The following DAW1 variants were observed in gnomAD, a reference collection of about 807,000 sequenced individuals.
The protein encoded by DAW1 is dynein assembly factor with WD repeat domains 1.
Under a neutral mutation model 56.5 loss-of-function variants are expected in DAW1, and 47 were observed. The observed-to-expected ratio is 0.83, with a 90% confidence interval of 0.66 to 1.06. The LOEUF (loss-of-function observed/expected upper bound fraction) is 1.06, where lower values mean the gene tolerates loss of function less well. Ranked by LOEUF, DAW1 falls within the 50% of genes least tolerant of loss-of-function variation. The pLI, the probability that DAW1 is intolerant of heterozygous loss-of-function variation, is 0.00. For missense variants in DAW1, 505 were observed against 499.3 expected, an observed-to-expected ratio of 1.01 and a Z score of -0.11; for synonymous variants, 190 against 179.0, an observed-to-expected ratio of 1.06 and a Z score of -0.49.
In DAW1 at chr2:227,893,806, G is replaced by A; in HGVS notation, c.329G>A (p.Gly110Glu). 1 of 1,611,940 alleles carries A rather than the reference G, an allele frequency of 6.2e-7. No individual in the cohort carries two copies. The highest frequency in any genetic ancestry group is 8.5e-7 in the Non-Finnish European group (1 of 1,179,304). ...LNKSGSCFIT[G>E]SYDRTCKLWD... ...ATTCCTTGTGTTAGCTTTATCACAGGAAGCTATGATCGGACGTGCAAGCTC... is the reference window on the plus strand; with the variant it reads ...ATTCCTTGTGTTAGCTTTATCACAGAAAGCTATGATCGGACGTGCAAGCTC... The change falls in exon 5 of 13, where the codon GGA (glycine) becomes GAA (glutamate). Residue 110 changes from glycine (G) to glutamate (E), a missense_variant. By Grantham distance (98) the Gly-to-Glu change is moderately conservative. Transcript: ENST00000309931.
intron 3 of DAW1, among the ~76,000 whole-genome samples, chr2:227,890,259 T>C (rs1574653907): frequency 6.6e-6 from 1 of 151,872 alleles, no homozygotes; most frequent in East Asian, 1.9e-4. Flanking sequence ...GTTATTATTA[T>C]TAAGATAGTT....
rs1040419511 is a variant in DAW1, at chr2:227,924,278, G to A, written c.*310G>A. ...AAGGAGACCAGAACAACTTAACAACGTGTCTCCTGGATTTTACTTTGAAGC... is the reference window on the plus strand; with the variant it reads ...AAGGAGACCAGAACAACTTAACAACATGTCTCCTGGATTTTACTTTGAAGC... On this transcript the variant is annotated 3_prime_UTR_variant, in exon 13 of 13. Transcript: ENST00000309931. The A allele has an allele frequency of 4.9e-5, 17 of 345,206 alleles. No homozygotes were observed. The highest frequency in any genetic ancestry group is 6.9e-5 in the Non-Finnish European group (13 of 189,008). 21.4% of individuals were successfully genotyped at this position (345,206 alleles called of 1,614,324 possible). A position where few individuals can be genotyped will look rare whatever the true frequency, so the allele number is the denominator to read the frequency against.
intron 11 of DAW1, among the ~76,000 whole-genome samples, chr2:227,920,667 T>C (rs1692084223): frequency 6.6e-6 from 1 of 151,988 alleles, no homozygotes; most frequent in African/African-American, 2.4e-5. Context: ...TTTTTATTTA[T>C]TTATTTTTAT....
At chr2:227,905,136 G>A (rs924524542) in intron 8 of DAW1, 101 bp downstream of exon 8, 6 of 826,688 alleles carry the variant, frequency 7.3e-6, no homozygotes, top group Non-Finnish European at 1.1e-5. Flanking sequence ...ACTCTGCTTT[G>A]GATTCCATAA....
Position 227,906,229 on chromosome 2 carries a change from GT to G in DAW1, c.756-5del, listed in dbSNP as rs1397774183. ...TTTCACTAGTTTTAATTATTTTTGTGTTGTAGGAAGGTAAATATCTTAATTG... is the reference window on the plus strand; with the variant it reads ...TTTCACTAGTTTTAATTATTTTTGTGTGTAGGAAGGTAAATATCTTAATTG... On this transcript the variant is annotated splice_region_variant and splice_polypyrimidine_tract_variant and intron_variant, in intron 8 of 12. Coordinates refer to ENST00000309931, the MANE Select transcript of DAW1 (RefSeq NM_178821.3). 1 of 1,600,824 alleles carries G rather than the reference GT, an allele frequency of 6.2e-7. No individual in the cohort carries two copies. Among genetic ancestry groups the G allele is most frequent in the African/African-American group, 1.3e-5 (1 of 74,764 alleles).
At chr2:227,912,181 C>T (rs1227406993) in intron 10 of DAW1, 2 of 369,688 alleles carry the variant, frequency 5.4e-6, no homozygotes, top group Non-Finnish European at 1.1e-5. Flanking sequence ...TCTGCCTCAT[C>T]TCCATGGTCA....
chr2:227,875,393 C>T (rs1469788682), intron 1 of DAW1, among the ~76,000 whole-genome samples: 2 of 152,150 alleles, frequency 1.3e-5, no homozygotes, highest in Non-Finnish European at 2.9e-5. Flanking sequence ...CTTCTCAGCT[C>T]GTTTAAAGTA....
At chr2:227,914,395 C>T (rs558727845) in intron 10 of DAW1, among the ~76,000 whole-genome samples, 1 of 151,906 alleles carries the variant, frequency 6.6e-6, no homozygotes, top group African/African-American at 2.4e-5. Context: ...CCTTTACAAC[C>T]ATTGATGATC....
At chr2:227,872,928 A>G (rs1444426504) in intron 1 of DAW1, among the ~76,000 whole-genome samples, 3 of 152,090 alleles carry the variant, frequency 2.0e-5, no homozygotes, top group Non-Finnish European at 2.9e-5. Flanking sequence ...TCCATCTGCC[A>G]CTAGGAGCCA....
intron 12 of DAW1, 68 bp downstream of exon 12, chr2:227,921,629 A>G: frequency 6.6e-7 from 1 of 1,516,344 alleles, no homozygotes. Flanking sequence ...CAAGCTGAAT[A>G]CTAACAGGAG....
intron 5 of DAW1, among the ~76,000 whole-genome samples, chr2:227,895,833 G>T (rs1031480502): frequency 6.6e-6 from 1 of 152,206 alleles, no homozygotes; most frequent in Admixed American, 6.5e-5. Flanking sequence ...GCAGACAGAA[G>T]AGGTCAGAGG....
intron 5 of DAW1, among the ~76,000 whole-genome samples, chr2:227,894,583 T>G (rs758127427): frequency 6.6e-5 from 10 of 152,210 alleles, no homozygotes; most frequent in Non-Finnish European, 1.2e-4. Context: ...TGGGGGAATG[T>G]GACAGACACA....
chr2:227,885,975 C>CTTT (rs10655811), intron 2 of DAW1, among the ~76,000 whole-genome samples: 11,696 of 131,846 alleles, frequency 0.089, 866 homozygotes, highest in East Asian at 0.28. Context: ...TTTTTCTTTC[C>CTTT]TTTTTTTTTT....
At chr2:227,921,679 T>C in intron 12 of DAW1, 118 bp downstream of exon 12, 1 of 1,117,484 alleles carries the variant, frequency 8.9e-7, no homozygotes, top group Non-Finnish European at 1.3e-6. Flanking sequence ...AGTCACTAGC[T>C]CATCTTGGCC....
intron 5 of DAW1, among the ~76,000 whole-genome samples, chr2:227,894,482 G>A (rs1011223112): frequency 1.3e-5 from 2 of 152,160 alleles, no homozygotes; most frequent in African/African-American, 4.8e-5. Flanking sequence ...AGGAGAGCTG[G>A]AGTTCGTGCT....
At chr2:227,876,700 A>G (rs1434236693) in intron 1 of DAW1, among the ~76,000 whole-genome samples, 1 of 152,210 alleles carries the variant, frequency 6.6e-6, no homozygotes, top group African/African-American at 2.4e-5. Context: ...CTCCCTACCT[A>G]CATTCCCAAA....
At chr2:227,885,288 G>GGTTA in intron 1 of DAW1, 63 bp from the exon 2 acceptor site, 1 of 1,180,956 alleles carries the variant, frequency 8.5e-7, no homozygotes, top group South Asian at 1.8e-5. Flanking sequence ...TGGCAAGGTA[G>GGTTA]GTTAACTTTT....
intron 5 of DAW1, among the ~76,000 whole-genome samples, chr2:227,894,760 AT>A (rs1386956834): frequency 6.6e-6 from 1 of 152,218 alleles, no homozygotes; most frequent in African/African-American, 2.4e-5. Flanking sequence ...ATTCTTCCTC[AT>A]GACACACTGC....
intron 11 of DAW1, among the ~76,000 whole-genome samples, chr2:227,920,872 G>A (rs1692089961): frequency 1.3e-5 from 2 of 152,096 alleles, no homozygotes; most frequent in Admixed American, 6.5e-5. Flanking sequence ...TAGCGACGGG[G>A]TTTCGCCATG....
Sources: gnomAD v4.1 joint callset for allele counts (sites outside exome capture counted in the v4.1 genomes callset) on GRCh38, gnomAD v4.1.1 for gene constraint, MANE v1.5 for transcripts, NCBI Gene and HGNC (gene_info 2026-07-23, HGNC 2026-07-21) for gene names.